PRRG1: variants seen among roughly 807,000 people sequenced by gnomAD.
PRRG1 encodes transmembrane gamma-carboxyglutamic acid protein 1.
PRRG1 carries 5 observed loss-of-function variants against 11.8 expected under a neutral mutation model. That is an observed-to-expected ratio of 0.42 (90% CI 0.22 to 0.89). The LOEUF is 0.89. Ranked by LOEUF, PRRG1 falls within the 40% of genes least tolerant of loss-of-function variation. The pLI is 0.28. For missense variants in PRRG1, 155 were observed against 166.1 expected, an observed-to-expected ratio of 0.93 and a Z score of 0.37; for synonymous variants, 66 against 60.4, an observed-to-expected ratio of 1.09 and a Z score of -0.43.
chrX:37,404,907 T>C (rs1331036367), intron 1 of PRRG1, among the ~76,000 whole-genome samples: 2 of 112,050 alleles, frequency 1.8e-5, no homozygotes, highest in Admixed American at 9.5e-5. Flanking sequence ...CAAGAAACTT[T>C]AGCAGTTATC....
At chrX:37,392,607 G>A (rs1475002401) in intron 1 of PRRG1, among the ~76,000 whole-genome samples, 1 of 101,863 alleles carries the variant, frequency 9.8e-6, no homozygotes, top group African/African-American at 3.6e-5. Context: ...GCAGTGAGCC[G>A]TGATCACGCC....
At chrX:37,419,917 T>A (rs1932608503) in intron 2 of PRRG1, among the ~76,000 whole-genome samples, 1 of 111,976 alleles carries the variant, frequency 8.9e-6, no homozygotes, top group Non-Finnish European at 1.9e-5. Context: ...GAGACCAAAC[T>A]CCCAGGCATT....
At position 37,357,335 on chromosome X, in the gene PRRG1, G is replaced by A. The variant is rs142115868; in HGVS notation, c.-42+7940G>A. 3.9e-3 allele frequency among the ~76,000 whole-genome samples: 439 copies of A among 111,414 alleles called. 1 individual carries two copies. Among genetic ancestry groups the A allele is most frequent in the African/African-American group, 0.013 (402 of 30,692 alleles). The stretch of plus-strand genomic sequence containing the variant: ...ATATCTTGGTTGCTTCCAAGTTGTC[G>A]TAATTATAAATAAAGCTATTATAAA... On this transcript the variant is annotated intron_variant, in intron 1 of 3. Transcript: ENST00000378628.
chrX:37,376,248 A>G lies in PRRG1; in HGVS notation c.-42+26853A>G, dbSNP rs782310507. 3.7e-5 allele frequency among the ~76,000 whole-genome samples: 4 copies of G among 107,858 alleles called. No individual in the cohort carries two copies. In the East Asian group the frequency reaches 1.2e-3, roughly 32 times the overall value. The allele number at this position is 107,858 out of a possible 115,157, so 93.7% of individuals were successfully genotyped here. On this transcript the variant is annotated intron_variant, in intron 1 of 3. Coordinates refer to ENST00000378628, the MANE Select transcript of PRRG1 (RefSeq NM_001142395.2). The stretch of plus-strand genomic sequence containing the variant: ...CTGGTTCATCATGGAGTTGGACTAC[A>G]TCGATTTTTTTTTTCCTGTTTATAG...
intron 1 of PRRG1, among the ~76,000 whole-genome samples, chrX:37,362,562 G>C (rs781797566): frequency 9.0e-6 from 1 of 111,590 alleles, no homozygotes; most frequent in East Asian, 2.8e-4. Context: ...GGTTGTTTGT[G>C]CCTAACCTTT....
chrX:37,395,013 C>T (rs1161327107), intron 1 of PRRG1, among the ~76,000 whole-genome samples: 1 of 111,804 alleles, frequency 8.9e-6, no homozygotes, highest in Non-Finnish European at 1.9e-5. Context: ...AATACCAAAT[C>T]TTTGTTAGTA....
At chrX:37,413,815 C>T (rs782289119) in intron 2 of PRRG1, among the ~76,000 whole-genome samples, 2 of 111,684 alleles carry the variant, frequency 1.8e-5, no homozygotes, top group Admixed American at 9.5e-5. Flanking sequence ...GATTATATAC[C>T]GTATTTTTAC....
At chrX:37,389,112 C>T (rs1556375946) in intron 1 of PRRG1, among the ~76,000 whole-genome samples, 1 of 111,501 alleles carries the variant, frequency 9.0e-6, no homozygotes, top group African/African-American at 3.3e-5. Flanking sequence ...GTGGCCTTTG[C>T]TCCATTTTCC....
In PRRG1 at chrX:37,455,055, C is replaced by T. The variant is rs1406676657; in HGVS notation, c.*1434C>T. 1 of 111,539 alleles carries T rather than the reference C, an allele frequency of 9.0e-6. No individual in the cohort carries two copies. Among genetic ancestry groups the T allele is most frequent in the Non-Finnish European group, 1.9e-5 (1 of 53,089 alleles). The allele number at this position is 111,539 out of a possible 1,213,427, so 9.2% of individuals were successfully genotyped here. A position where few individuals can be genotyped will look rare whatever the true frequency, so the allele number is the denominator to read the frequency against. ...GAAGGAATGTAGGTTTCAGGTGTGT[C>T]ATTTCCTGCTGCTTCCAGCTCCATC... On this transcript the variant is annotated 3_prime_UTR_variant, in exon 4 of 4. Transcript: ENST00000378628.
At chrX:37,433,405 C>T (rs782429310) in intron 3 of PRRG1, among the ~76,000 whole-genome samples, 2 of 111,901 alleles carry the variant, frequency 1.8e-5, no homozygotes, top group African/African-American at 6.5e-5. Flanking sequence ...TTGGCACTTG[C>T]TCTCTCCTCT....
rs199897832 is a variant in PRRG1 at position 37,406,210 on chromosome X, G to T, written c.-40G>T. The T allele has an allele frequency of 1.7e-6, 2 of 1,207,962 alleles. No individual in the cohort carries two copies. ...GTGTATGTGCTCTGTTTTGTACAGGGAATCATCATCCAGGGACGTGCCAGA... is the reference window on the plus strand; with the variant it reads ...GTGTATGTGCTCTGTTTTGTACAGGTAATCATCATCCAGGGACGTGCCAGA... On this transcript the variant is annotated splice_region_variant and 5_prime_UTR_variant, in exon 2 of 4. Transcript: ENST00000378628.
chrX:37,361,332 A>C (rs1434143512), intron 1 of PRRG1, among the ~76,000 whole-genome samples: 4 of 105,220 alleles, frequency 3.8e-5, no homozygotes, highest in African/African-American at 1.4e-4. Flanking sequence ...ACAGAGCGAG[A>C]CTCAGTCAAA....
Position 37,425,628 on chromosome X carries a change from C to T in PRRG1, c.11-212C>T, listed in dbSNP as rs905756706. 8 of 338,579 alleles carry T rather than the reference C, an allele frequency of 2.4e-5. No homozygotes were observed. In the Admixed American group the frequency reaches 4.3e-4, roughly 18 times the overall value. 27.9% of individuals were successfully genotyped at this position (338,579 alleles called of 1,213,427 possible). On this transcript the variant is annotated intron_variant, in intron 2 of 3. Transcript: ENST00000378628. ...GAATATAACATAGTTAATTATGTCACTGTCCCTGCCCAGGGCAACTGCTAT... is the reference window on the plus strand; with the variant it reads ...GAATATAACATAGTTAATTATGTCATTGTCCCTGCCCAGGGCAACTGCTAT...
chrX:37,351,434 G>A (rs782152901), intron 1 of PRRG1, among the ~76,000 whole-genome samples: 13 of 108,691 alleles, frequency 1.2e-4, no homozygotes, highest in Non-Finnish European at 2.5e-4. Flanking sequence ...GGCGGAGCTT[G>A]CCTTGAGCTG....
At chrX:37,448,563 C>A (rs1921003870) in intron 3 of PRRG1, among the ~76,000 whole-genome samples, 1 of 111,846 alleles carries the variant, frequency 8.9e-6, no homozygotes, top group Non-Finnish European at 1.9e-5. Context: ...ACTAGAATTT[C>A]CTTTATGTAA....
intron 2 of PRRG1, among the ~76,000 whole-genome samples, chrX:37,411,138 C>T (rs1303831551): frequency 1.8e-5 from 2 of 111,603 alleles, no homozygotes; most frequent in Non-Finnish European, 3.8e-5. Context: ...AATAAGAATA[C>T]AACAATAAAG....
chrX:37,448,196 G>A (rs1381742874), intron 3 of PRRG1, among the ~76,000 whole-genome samples: 4 of 112,322 alleles, frequency 3.6e-5, no homozygotes, highest in Non-Finnish European at 5.6e-5. Flanking sequence ...GCAAAAGTAC[G>A]CTCCACACAG....
chrX:37,354,689 G>A, intron 1 of PRRG1, among the ~76,000 whole-genome samples: 1 of 110,571 alleles, frequency 9.0e-6, no homozygotes, highest in East Asian at 2.9e-4. Context: ...CACCACGCCC[G>A]GCCGGTAGTG....
At chrX:37,388,588 G>C (rs1213702716) in intron 1 of PRRG1, among the ~76,000 whole-genome samples, 1 of 113,302 alleles carries the variant, frequency 8.8e-6, no homozygotes, top group East Asian at 2.8e-4. Flanking sequence ...CACGACTGAA[G>C]CTGGAGCAAC....
Sources: gnomAD v4.1 joint callset for allele counts (sites outside exome capture counted in the v4.1 genomes callset) on GRCh38, gnomAD v4.1.1 for gene constraint, MANE v1.5 for transcripts, NCBI Gene and HGNC (gene_info 2026-07-23, HGNC 2026-07-21) for gene names.